Variants in MCTP2 observed in about 807,000 individuals in gnomAD.
MCTP2 encodes multiple C2 and transmembrane domain-containing protein 2.
MCTP2 carries 132 observed loss-of-function variants against 111.6 expected under a neutral mutation model. The observed-to-expected ratio is 1.18, with a 90% confidence interval of 1.03 to 1.37. MCTP2 has a LOEUF of 1.37. Ranked by LOEUF, MCTP2 falls within the 40% of genes most tolerant of loss-of-function variation. The pLI, the probability that MCTP2 is intolerant of heterozygous loss-of-function variation, is 0.00. For missense variants in MCTP2, 1,183 were observed against 1,067.9 expected, an observed-to-expected ratio of 1.11 and a Z score of -1.50; for synonymous variants, 395 against 387.7, an observed-to-expected ratio of 1.02 and a Z score of -0.22.
intron 17 of MCTP2, among the ~76,000 whole-genome samples, chr15:94,431,452 T>A (rs2083180529): frequency 6.6e-6 from 1 of 152,170 alleles, no homozygotes; most frequent in Non-Finnish European, 1.5e-5. Flanking sequence ...AATCATGAAG[T>A]CTGAATGTCT....
At chr15:94,333,603 A>G (rs1386680770) in intron 4 of MCTP2, among the ~76,000 whole-genome samples, 1 of 152,194 alleles carries the variant, frequency 6.6e-6, no homozygotes, top group Non-Finnish European at 1.5e-5. Context: ...AGCACTCTCA[A>G]GGTGGTAAGA....
In MCTP2 at chr15:94,464,258, TA is replaced by T. The variant is rs1567764825; in HGVS notation, c.2360+6013del. Among the ~76,000 whole-genome samples, 5 of 27,536 alleles carry T rather than the reference TA, an allele frequency of 1.8e-4. 1 individual carries two copies. The highest frequency in any genetic ancestry group is 9.4e-4 in the African/African-American group (5 of 5,296). 18.1% of individuals were successfully genotyped at this position (27,536 alleles called of 152,430 possible). A position where few individuals can be genotyped will look rare whatever the true frequency, so the allele number is the denominator to read the frequency against. On this transcript the variant is annotated intron_variant, in intron 20 of 22. Coordinates refer to ENST00000357742, the MANE Select transcript of MCTP2 (RefSeq NM_001385001.1). ...ATATATAATATATATATATATATAT[TA>T]TATATATATATATATATATAAACGT...
At chr15:94,262,569 C>A (rs1469514051) in intron 1 of MCTP2, among the ~76,000 whole-genome samples, 1 of 152,000 alleles carries the variant, frequency 6.6e-6, no homozygotes, top group Non-Finnish European at 1.5e-5. Context: ...CTTCTCAAAG[C>A]ATATTTTAGA....
Position 94,298,211 on chromosome 15 carries a change from A to AGGT in MCTP2, c.-54_-53insGTG. 2 of 1,303,040 alleles carry AGGT rather than the reference A, an allele frequency of 1.5e-6. No homozygotes were observed. Among genetic ancestry groups the AGGT allele is most frequent in the Admixed American group, 2.5e-5 (1 of 40,442 alleles). 80.7% of individuals were successfully genotyped at this position (1,303,040 alleles called of 1,614,324 possible). On this transcript the variant is annotated 5_prime_UTR_variant, in exon 2 of 23. Coordinates refer to ENST00000357742, the MANE Select transcript of MCTP2 (RefSeq NM_001385001.1). ...TTTTCTGTTTTATAGGAGTCATTGCAGTTTTCAGTAGAGGTGTACTTCTGA... is the reference window on the plus strand; with the variant it reads ...TTTTCTGTTTTATAGGAGTCATTGCAGGTGTTTTCAGTAGAGGTGTACTTCTGA...
intron 21 of MCTP2, among the ~76,000 whole-genome samples, chr15:94,472,026 T>A (rs2073970915): frequency 6.6e-6 from 1 of 152,216 alleles, no homozygotes; most frequent in Non-Finnish European, 1.5e-5. Context: ...TCTTCTGGAC[T>A]TCCTCATCAT....
At chr15:94,456,061 C>G (rs2084817187) in intron 19 of MCTP2, among the ~76,000 whole-genome samples, 2 of 151,798 alleles carry the variant, frequency 1.3e-5, no homozygotes, top group African/African-American at 4.8e-5. Flanking sequence ...TTTTATAGGT[C>G]CAATATAATA....
At chr15:94,240,667 A>C (rs2070881523) in intron 1 of MCTP2, among the ~76,000 whole-genome samples, 1 of 152,164 alleles carries the variant, frequency 6.6e-6, no homozygotes, top group African/African-American at 2.4e-5. Context: ...ATGTCATTTA[A>C]GAGCAATTTC....
At chr15:94,384,347 T>A (rs1458324786) in intron 13 of MCTP2, among the ~76,000 whole-genome samples, 1 of 152,194 alleles carries the variant, frequency 6.6e-6, no homozygotes, top group East Asian at 1.9e-4. Flanking sequence ...GTAAAGTAGA[T>A]CTTTTAGTGA....
intron 20 of MCTP2, among the ~76,000 whole-genome samples, chr15:94,464,569 T>G (rs2152533886): frequency 6.6e-6 from 1 of 151,924 alleles, no homozygotes; most frequent in Admixed American, 6.6e-5. Context: ...TTACTACTCG[T>G]ATATTTTTCT....
At chr15:94,471,610 T>C (rs2073933941) in intron 21 of MCTP2, among the ~76,000 whole-genome samples, 2 of 152,192 alleles carry the variant, frequency 1.3e-5, no homozygotes, top group African/African-American at 4.8e-5. Flanking sequence ...TCTATTTTAA[T>C]ACTTGATGAT....
chr15:94,359,764 C>T lies in MCTP2; in HGVS notation c.1301+1152C>T, dbSNP rs531687545. Among the ~76,000 whole-genome samples the T allele has an allele frequency of 7.2e-4, 110 of 152,234 alleles. 4 individuals are homozygous for T. In the South Asian group the frequency reaches 0.014, roughly 19 times the overall value. On this transcript the variant is annotated intron_variant, in intron 10 of 22. Coordinates refer to ENST00000357742, the MANE Select transcript of MCTP2 (RefSeq NM_001385001.1). ...TCAGTAAGGTGTTTAGAGGCATAAA[C>T]AGATTGAGACCCAGCTAACCCAATA...
chr15:94,247,169 G>A (rs1303133671), intron 1 of MCTP2, among the ~76,000 whole-genome samples: 2 of 152,272 alleles, frequency 1.3e-5, no homozygotes, highest in East Asian at 1.9e-4. Context: ...GAGTGCATGT[G>A]ATTCCTTTTA....
chr15:94,363,812 A>G (rs2079055027), intron 10 of MCTP2, among the ~76,000 whole-genome samples: 2 of 152,118 alleles, frequency 1.3e-5, no homozygotes, highest in African/African-American at 4.8e-5. Context: ...CTTCTGAACG[A>G]CTGTCCAAAG....
intron 4 of MCTP2, among the ~76,000 whole-genome samples, chr15:94,334,228 A>G (rs541373814): frequency 4.6e-5 from 7 of 152,340 alleles, no homozygotes; most frequent in South Asian, 2.1e-4. Context: ...ATAGTTTTCT[A>G]TCTCACAAGT....
In MCTP2 at chr15:94,242,941, A is replaced by ATG. The variant is rs1319074354; in HGVS notation, c.-66+11279_-66+11280dup. Among the ~76,000 whole-genome samples the ATG allele has an allele frequency of 2.3e-4, 31 of 136,202 alleles. 3 individuals carry two copies. Among genetic ancestry groups the ATG allele is most frequent in the South Asian group, 4.7e-4 (2 of 4,240 alleles). The allele number at this position is 136,202 out of a possible 152,430, so 89.4% of individuals were successfully genotyped here. On this transcript the variant is annotated intron_variant, in intron 1 of 22. Transcript: ENST00000357742. ...TACACGTACACATATACACGTGTAT[A>ATG]TGTAGATACACATATACACGTGTAT... is the stretch of plus-strand genomic sequence containing the variant.
At chr15:94,277,268 C>T (rs2152308376) in intron 1 of MCTP2, among the ~76,000 whole-genome samples, 1 of 152,182 alleles carries the variant, frequency 6.6e-6, no homozygotes, top group South Asian at 2.1e-4. Context: ...TAACTAACTG[C>T]TCATTGAAGA....
chr15:94,323,344 A>G (rs144997197), intron 4 of MCTP2, among the ~76,000 whole-genome samples: 3 of 152,288 alleles, frequency 2.0e-5, no homozygotes, highest in East Asian at 1.9e-4. Context: ...ACAAAAACCT[A>G]TGGGTAATGA....
intron 17 of MCTP2, among the ~76,000 whole-genome samples, chr15:94,426,387 C>T (rs1401747897): frequency 6.6e-6 from 1 of 151,894 alleles, no homozygotes; most frequent in Non-Finnish European, 1.5e-5. Flanking sequence ...CTAGTTTTAC[C>T]ATATCTATCT....
chr15:94,453,802 C>T (rs189305450), intron 19 of MCTP2, among the ~76,000 whole-genome samples: 1 of 152,266 alleles, frequency 6.6e-6, no homozygotes, highest in East Asian at 1.9e-4. Flanking sequence ...ATGTCACTGA[C>T]ATTTGTAAAT....
Sources: gnomAD v4.1 joint callset for allele counts (sites outside exome capture counted in the v4.1 genomes callset) on GRCh38, gnomAD v4.1.1 for gene constraint, MANE v1.5 for transcripts, NCBI Gene and HGNC (gene_info 2026-07-23, HGNC 2026-07-21) for gene names.